The following LRRC52 variants were observed in gnomAD, a reference collection of about 807,000 sequenced individuals.
The protein encoded by LRRC52 is leucine-rich repeat-containing protein 52.
A neutral mutation model predicts 14.7 loss-of-function variants in LRRC52; 15 were observed. The observed-to-expected ratio is 1.02, with a 90% CI of 0.68 to 1.58. LRRC52 has a LOEUF of 1.58. LRRC52 is among the 40% of genes most tolerant of loss of function. The pLI is 0.00. For missense variants in LRRC52, 400 were observed against 387.7 expected (o/e 1.03, Z -0.27); for synonymous variants, 180 against 163.9 (o/e 1.10, Z -0.75).
chr1:165,545,710 C>T (rs908341906), intron 1 of LRRC52, among the ~76,000 whole-genome samples: 1 of 152,150 alleles, frequency 6.6e-6, no homozygotes, highest in African/African-American at 2.4e-5. Flanking sequence ...GGCCCCTGTG[C>T]TTCATTCCCT....
rs759048053 is a variant in LRRC52 at position 165,563,746 on chromosome 1, C to A, written c.864C>A (p.Ala288=). The change falls in exon 2 of 2, where the codon GCC becomes GCA. Residue 288 remains alanine, a synonymous_variant. Coordinates refer to ENST00000294818, the MANE Select transcript of LRRC52 (RefSeq NM_001005214.4). ...CGAGTGAAGAAGATGAGGACGAGGCCGGGACTAGGGTGGAAGTCAGCCGGC... is the reference window on the plus strand; with the variant it reads ...CGAGTGAAGAAGATGAGGACGAGGCAGGGACTAGGGTGGAAGTCAGCCGGC... The part of the protein sequence containing the change: ...HKSSEEDEDE[A]GTRVEVSRRI... 1.2e-6 allele frequency: 2 copies of A among 1,614,040 alleles called. No individual in the cohort carries two copies. Among genetic ancestry groups the A allele is most frequent in the African/African-American group, 1.3e-5 (1 of 74,926 alleles).
chr1:165,561,148 C>T (rs977753754), intron 1 of LRRC52, among the ~76,000 whole-genome samples: 2 of 152,140 alleles, frequency 1.3e-5, no homozygotes, highest in Non-Finnish European at 2.9e-5. Context: ...CCACCCACAT[C>T]CCTCACTTAG....
intron 1 of LRRC52, among the ~76,000 whole-genome samples, chr1:165,563,175 C>T (rs1308992431): frequency 6.6e-6 from 1 of 152,182 alleles, no homozygotes; most frequent in Non-Finnish European, 1.5e-5. Flanking sequence ...GTGGCCTCTC[C>T]TTCCTTGAGC....
In LRRC52 at chr1:165,544,286, G is replaced by A. The variant is rs759164273; in HGVS notation, c.-11G>A. 6.3e-7 allele frequency: 1 copy of A among 1,591,016 alleles called. No individual in the cohort carries two copies. The highest frequency in any genetic ancestry group is 1.1e-5 in the South Asian group (1 of 90,350). On this transcript the variant is annotated 5_prime_UTR_variant, in exon 1 of 2. Transcript: ENST00000294818. The stretch of plus-strand genomic sequence containing the variant: ...AGGAAGGTGAAAGGAGGGTGGTTGT[G>A]GCTTCTTACTATGTCCCTTGCTTCA...
intron 1 of LRRC52, among the ~76,000 whole-genome samples, chr1:165,545,683 C>A (rs72693831): frequency 0.017 from 2,619 of 152,268 alleles, 33 homozygotes; most frequent in Non-Finnish European, 0.023. Context: ...ACCCGCTGTC[C>A]TCACCCGGCC....
intron 1 of LRRC52, among the ~76,000 whole-genome samples, chr1:165,558,803 GT>G (rs1661288891): frequency 3.3e-5 from 5 of 152,070 alleles, no homozygotes; most frequent in African/African-American, 1.2e-4. Context: ...AAAATACAAA[GT>G]TTGCTAGCTT....
chr1:165,563,790 C>A lies in LRRC52; in HGVS notation c.908C>A (p.Thr303Lys). ...AGCCGGCGGATTTTTCAAACCCAGA[C>A]GAGCTCGGTCCAGGAGTTCCCTCAG... The part of the protein sequence containing the change: ...EVSRRIFQTQ[T>K]SSVQEFPQLI The change falls in exon 2 of 2, where the codon ACG becomes AAG. Residue 303 changes from threonine to lysine, a missense_variant. Coordinates refer to ENST00000294818, the MANE Select transcript of LRRC52 (RefSeq NM_001005214.4). 6.2e-7 allele frequency: 1 copy of A among 1,614,164 alleles called. No homozygotes were observed. The highest frequency in any genetic ancestry group is 8.5e-7 in the Non-Finnish European group (1 of 1,180,022).
chr1:165,556,898 G>A (rs1661245010), intron 1 of LRRC52, among the ~76,000 whole-genome samples: 1 of 152,158 alleles, frequency 6.6e-6, no homozygotes, highest in Non-Finnish European at 1.5e-5. Flanking sequence ...TCTCCTCTGG[G>A]CACCTGTAGT....
intron 1 of LRRC52, among the ~76,000 whole-genome samples, chr1:165,555,368 A>C (rs1024346509): frequency 6.6e-6 from 1 of 152,222 alleles, no homozygotes; most frequent in African/African-American, 2.4e-5. Context: ...TCTGGGCTGG[A>C]ATAGAAAGGG....
chr1:165,552,567 T>G (rs1456627975), intron 1 of LRRC52, among the ~76,000 whole-genome samples: 3 of 152,174 alleles, frequency 2.0e-5, no homozygotes, highest in Non-Finnish European at 4.4e-5. Context: ...TGGCAGCCTA[T>G]GGCAACAGTG....
chr1:165,545,333 T>C (rs928234420), intron 1 of LRRC52, among the ~76,000 whole-genome samples: 9 of 152,218 alleles, frequency 5.9e-5, no homozygotes, highest in African/African-American at 2.2e-4. Flanking sequence ...TAAACTGTTT[T>C]AATCTGTTTA....
In LRRC52 at chr1:165,544,177, G is replaced by A; in HGVS notation, c.-120G>A. On this transcript the variant is annotated 5_prime_UTR_variant, in exon 1 of 2. Coordinates refer to ENST00000294818, the MANE Select transcript of LRRC52 (RefSeq NM_001005214.4). ...GTAATGGAAAATTGCTTTGCACAAAGCTAAAGTGTTACAGTTCTTTCCAGA... is the reference window on the plus strand; with the variant it reads ...GTAATGGAAAATTGCTTTGCACAAAACTAAAGTGTTACAGTTCTTTCCAGA... The A allele has an allele frequency of 7.9e-7, 1 of 1,272,310 alleles. No homozygotes were observed. Among genetic ancestry groups the A allele is most frequent in the East Asian group, 2.3e-5 (1 of 42,698 alleles). 78.8% of individuals were successfully genotyped at this position (1,272,310 alleles called of 1,614,324 possible). A position where few individuals can be genotyped will look rare whatever the true frequency, so the allele number is the denominator to read the frequency against.
At chr1:165,559,234 TAAAA>T (rs138713616) in intron 1 of LRRC52, among the ~76,000 whole-genome samples, 6,074 of 151,952 alleles carry the variant, frequency 0.04, 393 homozygotes, top group African/African-American at 0.14. Context: ...ACTAAAAATA[TAAAA>T]ATTAGCTGGG....
rs375410575 is a variant in LRRC52, at chr1:165,563,710, C to T, written c.828C>T (p.Thr276=). The part of the protein sequence containing the change: ...TGVCAVLYQN[T]RHKSSEEDED... ...TGTGTGCTGTGCTCTACCAGAACAC[C>T]CGCCACAAGTCGAGTGAAGAAGATG... The change falls in exon 2 of 2, where the codon ACC becomes ACT. Residue 276 remains threonine (T), a synonymous_variant. Coordinates refer to ENST00000294818, the MANE Select transcript of LRRC52 (RefSeq NM_001005214.4). The T allele has an allele frequency of 1.2e-5, 19 of 1,614,172 alleles. No individual in the cohort carries two copies. Among genetic ancestry groups the T allele is most frequent in the Middle Eastern group, 1.7e-4 (1 of 6,060 alleles).
At chr1:165,558,218 TC>T (rs146771212) in intron 1 of LRRC52, among the ~76,000 whole-genome samples, 4,636 of 152,314 alleles carry the variant, frequency 0.03, 91 homozygotes, top group Middle Eastern at 0.061. Flanking sequence ...GGTTTATGTT[TC>T]CTTAGGAACT....
chr1:165,547,594 A>G (rs987191707), intron 1 of LRRC52, among the ~76,000 whole-genome samples: 1 of 152,180 alleles, frequency 6.6e-6, no homozygotes, highest in African/African-American at 2.4e-5. Context: ...ATATGCACAC[A>G]AACACACATG....
chr1:165,560,688 T>C (rs1180037033), intron 1 of LRRC52, among the ~76,000 whole-genome samples: 2 of 152,090 alleles, frequency 1.3e-5, no homozygotes, highest in Non-Finnish European at 2.9e-5. Flanking sequence ...GGGAAGAACA[T>C]GATCCTGCAA....
chr1:165,544,208 T>TACCCCCCCCCC lies in LRRC52; in HGVS notation c.-89_-88insACCCCCCCCCC. 1 of 448,100 alleles carries TACCCCCCCCCC rather than the reference T, an allele frequency of 2.2e-6. No individual in the cohort carries two copies. Among genetic ancestry groups the TACCCCCCCCCC allele is most frequent in the Non-Finnish European group, 4.2e-6 (1 of 235,722 alleles). 27.8% of individuals were successfully genotyped at this position (448,100 alleles called of 1,614,324 possible). ...GTGTTACAGTTCTTTCCAGAGCCCC[T>TACCCCCCCCCC]CCCCCGCCCCACCCCCCCACCGGCA... is the stretch of plus-strand genomic sequence containing the variant. On this transcript the variant is annotated 5_prime_UTR_variant, in exon 1 of 2. Transcript: ENST00000294818.
Position 165,544,651 on chromosome 1 carries a change from T to C in LRRC52, c.355T>C (p.Phe119Leu), listed in dbSNP as rs768507595. The change falls in exon 1 of 2, where the codon TTC (phenylalanine) becomes CTC (leucine). Residue 119 changes from phenylalanine to leucine, a missense_variant. Transcript: ENST00000294818. The part of the protein sequence containing the change: ...SSNNLTSISP[F>L]TFSVLSNLVQ... ...CAACAACCTAACCTCGATCTCCCCA[T>C]TCACTTTCTCGGTGCTCAGCAACCT... 1.4e-5 allele frequency: 22 copies of C among 1,613,856 alleles called. No homozygotes were observed. In the South Asian group the frequency reaches 2.0e-4, roughly 15 times the overall value.
Sources: allele counts gnomAD v4.1 joint callset (sites outside exome capture counted in the v4.1 genomes callset), GRCh38; gene constraint gnomAD v4.1.1; transcripts MANE v1.5; gene names NCBI Gene and HGNC (gene_info 2026-07-23, HGNC 2026-07-21).